Variants in LCORL observed in about 807,000 individuals in gnomAD.
LCORL encodes ligand-dependent nuclear receptor corepressor-like protein.
Under a neutral mutation model 141.8 loss-of-function variants are expected in LCORL, and 41 were observed. The ratio of observed to expected loss-of-function variants is 0.29; its 90% CI spans 0.23 to 0.38. LCORL has a LOEUF of 0.38. LCORL is among the 10% of genes least tolerant of loss of function. The probability of loss-of-function intolerance (pLI) is 1.00; values close to 1 mark genes in which losing one functional copy is unlikely to be tolerated. For synonymous variants in LCORL, 618 were observed against 694.1 expected (o/e 0.89, Z 1.72); for missense variants, 1,759 against 2,035.0 (o/e 0.86, Z 2.61).
intron 4 of LCORL, among the ~76,000 whole-genome samples, chr4:17,915,357 T>C (rs1047955069): frequency 6.6e-6 from 1 of 152,102 alleles, no homozygotes; most frequent in African/African-American, 2.4e-5. Flanking sequence ...CAAAACCAAC[T>C]AGCTGAGCAA....
At chr4:17,883,065 T>C in intron 6 of LCORL, 1 of 976,826 alleles carries the variant, frequency 1.0e-6, no homozygotes, top group Non-Finnish European at 1.2e-6. Context: ...AAACCCCAAC[T>C]TCTTGCTAAA....
exon 8 of LCORL, chr4:17,845,425 C>T (rs548646919): frequency 4.4e-6 from 1 of 228,152 alleles, no homozygotes; most frequent in East Asian, 9.5e-5. Context: ...TATATTAAAA[C>T]TTTGTGCACA....
chr4:17,879,641 T>C (rs1489289648), intron 6 of LCORL, among the ~76,000 whole-genome samples: 1 of 150,934 alleles, frequency 6.6e-6, no homozygotes, highest in Non-Finnish European at 1.5e-5. Flanking sequence ...TTTTAAAAAA[T>C]ATATGTAGAG....
chr4:18,021,725 G>A lies in LCORL; in HGVS notation c.27C>T (p.Ala9=), dbSNP rs545375779. Reference sequence around the variant, plus strand: ...CGGCGGCAGCAGCGGCGGCGGCAGCGGCCATTCTCTCTCTTCCCTTGTCCA... The same window carrying A: ...CGGCGGCAGCAGCGGCGGCGGCAGCAGCCATTCTCTCTCTTCCCTTGTCCA... Residue 9 remains alanine (A), a synonymous_variant, in exon 1 of 8, where the codon GCC becomes GCT. Transcript: ENST00000635767. The surrounding 1 kb of genome is among the most constrained non-coding windows in gnomAD (Gnocchi z 5.5). 30 of 1,526,552 alleles carry A rather than the reference G, an allele frequency of 2.0e-5. No homozygotes were observed. The highest frequency in any genetic ancestry group is 1.0e-4 in the Admixed American group (5 of 47,644). 94.6% of individuals were successfully genotyped at this position (1,526,552 alleles called of 1,614,324 possible).
At chr4:17,929,203 C>A (rs971008272) in intron 4 of LCORL, among the ~76,000 whole-genome samples, 1 of 152,120 alleles carries the variant, frequency 6.6e-6, no homozygotes, top group Non-Finnish European at 1.5e-5. Context: ...TGGTAATACT[C>A]CCCAATTTTT....
At chr4:17,910,943 C>T (rs1732421683) in intron 4 of LCORL, among the ~76,000 whole-genome samples, 1 of 152,110 alleles carries the variant, frequency 6.6e-6, no homozygotes, top group African/African-American at 2.4e-5. Context: ...TTGTTTAGAA[C>T]CTGATAGGAA....
chr4:17,938,749 A>G (rs1008842469), intron 4 of LCORL, among the ~76,000 whole-genome samples: 1 of 152,150 alleles, frequency 6.6e-6, no homozygotes, highest in African/African-American at 2.4e-5. Context: ...ATTATACAAA[A>G]TACTTAGAAG....
intron 4 of LCORL, among the ~76,000 whole-genome samples, chr4:17,911,086 A>T (rs1732443998): frequency 6.6e-6 from 1 of 152,176 alleles, no homozygotes; most frequent in South Asian, 2.1e-4. Context: ...TTAAGACAGA[A>T]ATAATAATAG....
chr4:17,846,020 G>A, intron 7 of LCORL, 119 bp from the exon 8 acceptor site: 3 of 749,514 alleles, frequency 4.0e-6, no homozygotes, highest in East Asian at 2.5e-5. Context: ...CATACATAAA[G>A]CATTTATCCT....
chr4:18,014,022 G>T (rs921475656), intron 1 of LCORL, among the ~76,000 whole-genome samples: 6 of 152,032 alleles, frequency 3.9e-5, no homozygotes, highest in Admixed American at 2.0e-4. Flanking sequence ...TGGCAAGGCT[G>T]GTCTCCAACT....
chr4:17,912,390 G>A (rs1181807690), intron 4 of LCORL: 1 of 641,750 alleles, frequency 1.6e-6, no homozygotes, highest in Admixed American at 1.8e-5. Flanking sequence ...CCAGCTCTAG[G>A]GTGACTGCGG....
intron 7 of LCORL, among the ~76,000 whole-genome samples, chr4:17,870,510 C>G (rs997590329): frequency 4.6e-5 from 7 of 152,176 alleles, no homozygotes; most frequent in South Asian, 4.1e-4. Flanking sequence ...CGCTCTCTCT[C>G]TGATCATAGC....
At chr4:17,956,061 A>T (rs1228518183) in intron 4 of LCORL, among the ~76,000 whole-genome samples, 1 of 152,182 alleles carries the variant, frequency 6.6e-6, no homozygotes, top group East Asian at 1.9e-4. Context: ...AAAAATGTTC[A>T]ACATCACTAA....
chr4:17,875,226 A>AT lies in LCORL; in HGVS notation c.3763dup (p.Ile1255AsnfsTer9). 1 of 1,231,566 alleles carries AT rather than the reference A, an allele frequency of 8.1e-7. No homozygotes were observed. Among genetic ancestry groups the AT allele is most frequent in the Non-Finnish European group, 1.0e-6 (1 of 987,642 alleles). The allele number at this position is 1,231,566 out of a possible 1,614,324, so 76.3% of individuals were successfully genotyped here. A position where few individuals can be genotyped will look rare whatever the true frequency, so the allele number is the denominator to read the frequency against. The stretch of plus-strand genomic sequence containing the variant: ...ATTAATAGTCACAGATATGCCAGAG[A>AT]TTTTCACTTTTGCCGGTCTACCAGG... On this transcript the variant is annotated frameshift_variant, in exon 7 of 8. Coordinates refer to ENST00000635767, the Ensembl canonical transcript of LCORL. LOFTEE classifies it high-confidence loss of function.
chr4:17,893,275 T>TA (rs1233374114), intron 5 of LCORL: 1 of 619,244 alleles, frequency 1.6e-6, no homozygotes, highest in Non-Finnish European at 2.0e-6. Context: ...TGTCCTGAAG[T>TA]AAAAATTAAG....
exon 7 of LCORL, chr4:17,876,803 C>G: frequency 1.6e-6 from 2 of 1,230,688 alleles, no homozygotes; most frequent in Non-Finnish European, 2.0e-6. Flanking sequence ...TTCTTATGCT[C>G]ATTTTCTCAG....
At chr4:17,882,293 A>G in intron 6 of LCORL, 1 of 984,750 alleles carries the variant, frequency 1.0e-6, no homozygotes, top group African/African-American at 1.7e-5. Context: ...AAAAATGATC[A>G]GAACCTGAAT....
intron 1 of LCORL, among the ~76,000 whole-genome samples, chr4:18,001,175 A>C (rs1264377072): frequency 6.6e-6 from 1 of 152,230 alleles, no homozygotes; most frequent in African/African-American, 2.4e-5. Flanking sequence ...TGTCTCATAA[A>C]CAAACAAACA....
At chr4:17,927,600 A>G (rs1297460331) in intron 4 of LCORL, among the ~76,000 whole-genome samples, 3 of 152,186 alleles carry the variant, frequency 2.0e-5, no homozygotes, top group Admixed American at 2.0e-4. Flanking sequence ...AAATACCCAG[A>G]GGCCATTGTA....
Sources: allele counts gnomAD v4.1 joint callset (sites outside exome capture counted in the v4.1 genomes callset), GRCh38; gene constraint gnomAD v4.1.1; non-coding constraint Gnocchi (gnomAD v3.1); transcripts MANE v1.5; gene names NCBI Gene and HGNC (gene_info 2026-07-23, HGNC 2026-07-21).